The following MACC1 variants were observed in gnomAD, a reference collection of about 807,000 sequenced individuals.
MACC1 encodes MET transcriptional regulator MACC1.
A neutral mutation model predicts 70.7 loss-of-function variants in MACC1; 79 were observed. The ratio of observed to expected loss-of-function variants is 1.12; its 90% CI spans 0.93 to 1.35. The LOEUF (loss-of-function observed/expected upper bound fraction) is 1.35. MACC1 is among the 40% of genes most tolerant of loss of function. MACC1 has a pLI of 0.00. For synonymous variants in MACC1, 361 were observed against 347.2 expected, an observed-to-expected ratio of 1.04 and a Z score of -0.44; for missense variants, 1,106 against 978.1, an observed-to-expected ratio of 1.13 and a Z score of -1.74.
At chr7:20,216,828 G>C (rs898511935) in intron 1 of MACC1, among the ~76,000 whole-genome samples, 13 of 152,218 alleles carry the variant, frequency 8.5e-5, no homozygotes, top group African/African-American at 3.1e-4. Context: ...AGGAAACTGA[G>C]ACTTTGCGAG....
At chr7:20,152,431 A>T (rs1781994097) in intron 6 of MACC1, among the ~76,000 whole-genome samples, 1 of 152,150 alleles carries the variant, frequency 6.6e-6, no homozygotes, top group Non-Finnish European at 1.5e-5. Context: ...ATTTTTTAGG[A>T]GGTTGGAAAT....
Position 20,136,909 on chromosome 7 carries a change from A to G in MACC1, c.*4037T>C, listed in dbSNP as rs1370729952. 5 of 147,956 alleles carry G rather than the reference A, an allele frequency of 3.4e-5. No individual in the cohort carries two copies. Among genetic ancestry groups the G allele is most frequent in the Non-Finnish European group, 7.5e-5 (5 of 67,104 alleles). The allele number at this position is 147,956 out of a possible 1,614,324, so 9.2% of individuals were successfully genotyped here. ...ATATTAAATTATATTATTAATTCTT[A>G]AAGATTATTAATTATAATATTAAAT... On this transcript the variant is annotated 3_prime_UTR_variant, in exon 7 of 7. Transcript: ENST00000400331.
chr7:20,195,705 T>C (rs148835433), intron 1 of MACC1, among the ~76,000 whole-genome samples: 1 of 152,374 alleles, frequency 6.6e-6, no homozygotes, highest in African/African-American at 2.4e-5. Context: ...AGTTATGGCT[T>C]GTGGAACAGG....
rs1562585500 is a variant in MACC1 at position 20,158,935 on chromosome 7, C to T, written c.1426G>A (p.Glu476Lys). 4 of 1,613,958 alleles carry T rather than the reference C, an allele frequency of 2.5e-6. No individual in the cohort carries two copies. Among genetic ancestry groups the T allele is most frequent in the Non-Finnish European group, 3.4e-6 (4 of 1,179,996 alleles). ...TCAAACAAGTGCATCTCTCTGTGCT[C>T]AACTAAAGAAAATAAAAATTGTTGA... ...VHQQFLFSLV[E>K]HREMHLFDFC... is the part of the protein sequence containing the mutation. Residue 476 changes from glutamate to lysine, a missense_variant, in exon 5 of 7, where the codon GAG (glutamate) becomes AAG (lysine). Glu to Lys is a moderately conservative substitution (Grantham distance 56). Transcript: ENST00000400331.
In MACC1 at chr7:20,159,246, A is replaced by G. The variant is rs775467944; in HGVS notation, c.1115T>C (p.Ile372Thr). The change falls in exon 5 of 7, where the codon ATT becomes ACT. Residue 372 changes from isoleucine to threonine, a missense_variant. Transcript: ENST00000400331. ...GATATATTTGGGTCCATAAATTCCA[A>G]TTGAGGTGGTTTTGTGGATATAATC... ...IWDYIHKTTSIGIYGPKYIHP... is the reference protein window; with the variant it reads ...IWDYIHKTTSTGIYGPKYIHP... 56 of 1,613,784 alleles carry G rather than the reference A, an allele frequency of 3.5e-5. No homozygotes were observed. The highest frequency in any genetic ancestry group is 4.4e-5 in the South Asian group (4 of 90,998).
chr7:20,141,249 A>G, intron 6 of MACC1, 91 bp from the exon 7 acceptor site: 1 of 843,844 alleles, frequency 1.2e-6, no homozygotes, highest in Non-Finnish European at 1.8e-6. Context: ...GCCTCTTAAG[A>G]TTTAAGATAA....
At chr7:20,143,588 A>T (rs6960133) in intron 6 of MACC1, among the ~76,000 whole-genome samples, 7,068 of 151,966 alleles carry the variant, frequency 0.047, 564 homozygotes, top group African/African-American at 0.16. Flanking sequence ...ACAGGGTTTC[A>T]CCACCTTGGC....
chr7:20,147,519 C>T (rs907016168), intron 6 of MACC1: 1 of 152,168 alleles, frequency 6.6e-6, no homozygotes, highest in Non-Finnish European at 1.5e-5. Flanking sequence ...ATCCTCAGTA[C>T]ATCATTTACA....
At chr7:20,161,610 A>T in intron 4 of MACC1, 138 bp downstream of exon 4, 1 of 561,480 alleles carries the variant, frequency 1.8e-6, no homozygotes, top group Non-Finnish European at 3.2e-6. Context: ...ACATCTTTTT[A>T]ACTATTTCTA....
chr7:20,163,426 A>G (rs1203521183), intron 3 of MACC1, among the ~76,000 whole-genome samples: 1 of 152,248 alleles, frequency 6.6e-6, no homozygotes, highest in African/African-American at 2.4e-5. Flanking sequence ...TATTTGTTTT[A>G]GTGAAAACTC....
chr7:20,140,936 C>T lies in MACC1; in HGVS notation c.*10G>A, dbSNP rs753246850. 16 of 1,602,788 alleles carry T rather than the reference C, an allele frequency of 1.0e-5. No homozygotes were observed. Among genetic ancestry groups the T allele is most frequent in the East Asian group, 8.9e-5 (4 of 44,718 alleles). ...CATTTTCCCTCCCATCAAAAACACACGCTTTGTTTCTATACTTCCTCAGAA... is the reference window on the plus strand; with the variant it reads ...CATTTTCCCTCCCATCAAAAACACATGCTTTGTTTCTATACTTCCTCAGAA... On this transcript the variant is annotated 3_prime_UTR_variant, in exon 7 of 7. Transcript: ENST00000400331.
chr7:20,178,254 T>C (rs1349154919), intron 1 of MACC1, among the ~76,000 whole-genome samples: 1 of 118,886 alleles, frequency 8.4e-6, no homozygotes, highest in Non-Finnish European at 1.7e-5. Flanking sequence ...AGAATGTTAA[T>C]CTTATTTCAC....
chr7:20,198,701 A>G (rs910140888), intron 1 of MACC1: 2 of 152,254 alleles, frequency 1.3e-5, no homozygotes, highest in Admixed American at 6.5e-5. Flanking sequence ...CAGGGTTATC[A>G]ATTTATAAGC....
intron 1 of MACC1, among the ~76,000 whole-genome samples, chr7:20,210,675 G>C (rs1335443718): frequency 6.6e-6 from 1 of 152,056 alleles, no homozygotes; most frequent in Non-Finnish European, 1.5e-5. Context: ...ATTTCCCCAA[G>C]TACATCTCTT....
intron 1 of MACC1, among the ~76,000 whole-genome samples, chr7:20,180,956 A>T (rs559484256): frequency 1.1e-3 from 166 of 152,304 alleles, no homozygotes; most frequent in Admixed American, 2.9e-3. Context: ...ACTAAAACAA[A>T]ATCACAGAAG....
At chr7:20,176,594 A>G (rs1392323699) in intron 1 of MACC1, among the ~76,000 whole-genome samples, 2 of 152,192 alleles carry the variant, frequency 1.3e-5, no homozygotes, top group Admixed American at 6.5e-5. Flanking sequence ...CAGAGAAATG[A>G]AAACTTATTT....
chr7:20,162,787 G>A (rs1782157721), intron 3 of MACC1, among the ~76,000 whole-genome samples: 1 of 151,966 alleles, frequency 6.6e-6, no homozygotes, highest in Admixed American at 6.6e-5. Context: ...AAATGCCAAG[G>A]GATTAAAAAA....
intron 2 of MACC1, among the ~76,000 whole-genome samples, chr7:20,164,715 TAA>T (rs1782187739): frequency 6.6e-6 from 1 of 152,162 alleles, no homozygotes; most frequent in African/African-American, 2.4e-5. Flanking sequence ...TGTCCAAAAT[TAA>T]AAGTTTTTAG....
At chr7:20,209,145 A>G (rs967273278) in intron 1 of MACC1, among the ~76,000 whole-genome samples, 4 of 152,210 alleles carry the variant, frequency 2.6e-5, no homozygotes, top group Non-Finnish European at 5.9e-5. Context: ...GGCAGGGAAG[A>G]AGGGAAATGT....
Sources: allele counts gnomAD v4.1 joint callset (sites outside exome capture counted in the v4.1 genomes callset), GRCh38; gene constraint gnomAD v4.1.1; transcripts MANE v1.5; gene names NCBI Gene and HGNC (gene_info 2026-07-23, HGNC 2026-07-21).